NECAB2: variants seen among roughly 807,000 people sequenced by gnomAD.
NECAB2 encodes the protein N-terminal EF-hand calcium binding protein 2, also known as N-terminal EF-hand calcium-binding protein 2.
Under a neutral mutation model 51.9 loss-of-function variants are expected in NECAB2, and 68 were observed. That is an observed-to-expected ratio of 1.31 (90% CI 1.08 to 1.60). NECAB2 has a LOEUF of 1.60. Among genes scored for constraint, NECAB2 ranks in the 40% most tolerant of loss-of-function variants. The pLI is 0.00. For synonymous variants in NECAB2, 329 were observed against 203.5 expected (o/e 1.62, Z -5.25); for missense variants, 854 against 490.3 (o/e 1.74, Z -7.00).
chr16:83,999,364 C>T (rs566323061), intron 10 of NECAB2, among the ~76,000 whole-genome samples: 66 of 152,274 alleles, frequency 4.3e-4, no homozygotes, highest in Middle Eastern at 6.8e-3. Context: ...GTGGGAGGCT[C>T]CAGGGTGAAG....
At chr16:83,991,575 C>T (rs1326415383) in intron 6 of NECAB2, among the ~76,000 whole-genome samples, 2 of 151,886 alleles carry the variant, frequency 1.3e-5, no homozygotes, top group East Asian at 3.9e-4. Context: ...CCATGTTGGC[C>T]AGGCTGGTCT....
intron 2 of NECAB2, among the ~76,000 whole-genome samples, chr16:83,976,299 G>A (rs138850454): frequency 2.0e-5 from 3 of 152,218 alleles, no homozygotes; most frequent in Non-Finnish European, 4.4e-5. Flanking sequence ...AGATGGCCTG[G>A]GTTCAAGCTT....
Position 83,981,105 on chromosome 16 carries a change from A to G in NECAB2, c.437A>G (p.Lys146Arg), listed in dbSNP as rs775962759. Residue 146 changes from lysine to arginine, a missense_variant, in exon 5 of 13, where the codon AAG (lysine) becomes AGG (arginine). By Grantham distance (26) the Lys-to-Arg change is conservative. Coordinates refer to ENST00000305202, the MANE Select transcript of NECAB2 (RefSeq NM_019065.3). Reference protein sequence around the residue: ...SLETLNHSVLKAMGYTKKVYE... With the variant: ...SLETLNHSVLRAMGYTKKVYE... ...GAGACCTTGAATCACTCTGTCCTGA[A>G]GGCCATGGGTTATACCAAGAAGGTC... is the stretch of plus-strand genomic sequence containing the variant. 2 of 1,614,114 alleles carry G rather than the reference A, an allele frequency of 1.2e-6. No homozygotes were observed. Among genetic ancestry groups the G allele is most frequent in the South Asian group, 1.1e-5 (1 of 91,084 alleles).
chr16:83,996,300 G>A (rs190179526), intron 8 of NECAB2, among the ~76,000 whole-genome samples: 89 of 152,316 alleles, frequency 5.8e-4, no homozygotes, highest in African/African-American at 1.9e-3. Flanking sequence ...TTACCAAGGC[G>A]TGTTCATGCT....
chr16:83,974,120 T>G (rs969148428), intron 2 of NECAB2, among the ~76,000 whole-genome samples: 1 of 152,054 alleles, frequency 6.6e-6, no homozygotes, highest in African/African-American at 2.4e-5. Context: ...TCCTTGGGGC[T>G]TACATCTTAC....
chr16:83,968,416 C>G lies in NECAB2; in HGVS notation c.-233C>G, dbSNP rs968577569. On this transcript the variant is annotated 5_prime_UTR_variant, in exon 1 of 13. Coordinates refer to ENST00000305202, the MANE Select transcript of NECAB2 (RefSeq NM_019065.3). ...GCCCCTCGCCCCGGCGGGCAGTCCT[C>G]AGGCCCCGCGCCCGGCCGGCGGGGG... 1.3e-5 allele frequency among the ~76,000 whole-genome samples: 2 copies of G among 148,824 alleles called. No individual in the cohort carries two copies. Among genetic ancestry groups the G allele is most frequent in the East Asian group, 2.0e-4 (1 of 5,028 alleles).
intron 5 of NECAB2, among the ~76,000 whole-genome samples, chr16:83,984,206 A>G (rs2084523663): frequency 6.6e-6 from 1 of 151,718 alleles, no homozygotes; most frequent in African/African-American, 2.4e-5. Context: ...CGTGTTAGCC[A>G]GGATGGTCTC....
At chr16:83,999,888 AAAGGTTTTTTGAGAC>A (rs1328699594) in intron 10 of NECAB2, among the ~76,000 whole-genome samples, 2,074 of 150,604 alleles carry the variant, frequency 0.014, 43 homozygotes, top group African/African-American at 0.049. Context: ...TTTGATTTTT[AAAGGTTTTTTGAGAC>A]CAAATCTTGC....
chr16:83,974,022 C>G (rs776403539), intron 2 of NECAB2, among the ~76,000 whole-genome samples: 1 of 147,556 alleles, frequency 6.8e-6, no homozygotes, highest in Non-Finnish European at 1.5e-5. Flanking sequence ...CTCCCCCCAT[C>G]AGAGGCCATG....
At position 83,998,816 on chromosome 16, in the gene NECAB2, C is replaced by T. The variant is rs570659566; in HGVS notation, c.962+499C>T. Among the ~76,000 whole-genome samples, 50 of 152,276 alleles carry T rather than the reference C, an allele frequency of 3.3e-4. 1 individual carries two copies. Among genetic ancestry groups the T allele is most frequent in the African/African-American group, 1.1e-3 (47 of 41,542 alleles). On this transcript the variant is annotated intron_variant, in intron 10 of 12. Transcript: ENST00000305202. The stretch of plus-strand genomic sequence containing the variant: ...TAGTTGCCCTTCTCCCCCTGATGTG[C>T]TGAGATGTCCAGGGCGGGGCAAGCG...
At chr16:83,977,297 TGAG>T (rs1280196266) in intron 2 of NECAB2, among the ~76,000 whole-genome samples, 6 of 151,926 alleles carry the variant, frequency 3.9e-5, no homozygotes, top group Non-Finnish European at 7.4e-5. Flanking sequence ...AACAGATCCT[TGAG>T]GAGGGGGGAG....
At chr16:83,980,030 C>T (rs1207854344) in intron 3 of NECAB2, among the ~76,000 whole-genome samples, 1 of 152,204 alleles carries the variant, frequency 6.6e-6, no homozygotes, top group Non-Finnish European at 1.5e-5. Flanking sequence ...TGCAGAGCCC[C>T]CGAGTGCAGA....
chr16:83,992,387 C>G (rs971341866), intron 6 of NECAB2, among the ~76,000 whole-genome samples: 6 of 144,184 alleles, frequency 4.2e-5, no homozygotes, highest in Non-Finnish European at 5.9e-5. Context: ...TCCCCCCGCC[C>G]ACCTCCATTT....
In NECAB2 at chr16:84,002,585, A is replaced by G; in HGVS notation, c.*239A>G. 1 of 591,634 alleles carries G rather than the reference A, an allele frequency of 1.7e-6. No individual in the cohort carries two copies. The highest frequency in any genetic ancestry group is 3.0e-6 in the Non-Finnish European group (1 of 333,624). The allele number at this position is 591,634 out of a possible 1,614,324, so 36.6% of individuals were successfully genotyped here. ...AAGGTTGAAGGGGGCGGCTTCCTGG[A>G]GCCAGCACCCCTGCCTCCTGGTCCT... On this transcript the variant is annotated 3_prime_UTR_variant, in exon 13 of 13. Coordinates refer to ENST00000305202, the MANE Select transcript of NECAB2 (RefSeq NM_019065.3).
At chr16:83,970,930 T>TA (rs1226093584) in intron 1 of NECAB2, among the ~76,000 whole-genome samples, 1 of 152,044 alleles carries the variant, frequency 6.6e-6, no homozygotes, top group Non-Finnish European at 1.5e-5. Context: ...TCGTCTCTAC[T>TA]AAAAAATACA....
At position 83,978,527 on chromosome 16, in the gene NECAB2, C is replaced by A. The variant is rs376943166; in HGVS notation, c.310C>A (p.His104Asn). ...LNEKELEDLFHTIDSDNTNHV... is the reference protein window; with the variant it reads ...LNEKELEDLFNTIDSDNTNHV... The stretch of plus-strand genomic sequence containing the variant: ...TGAGAAAGAACTGGAGGATCTCTTT[C>A]ACACGATTGACTCTGACAACACCAA... The change falls in exon 3 of 13, where the codon CAC (histidine) becomes AAC (asparagine). Residue 104 changes from histidine (H) to asparagine (N), a missense_variant. Coordinates refer to ENST00000305202, the MANE Select transcript of NECAB2 (RefSeq NM_019065.3). 6.2e-7 allele frequency: 1 copy of A among 1,613,638 alleles called. No homozygotes were observed. Among genetic ancestry groups the A allele is most frequent in the South Asian group, 1.1e-5 (1 of 91,050 alleles).
At chr16:83,999,526 A>C (rs556556978) in intron 10 of NECAB2, among the ~76,000 whole-genome samples, 1 of 152,128 alleles carries the variant, frequency 6.6e-6, no homozygotes, top group Admixed American at 6.5e-5. Flanking sequence ...GTCCACCCCA[A>C]GATGGAATCC....
chr16:83,998,356 G>A (rs368400385), intron 10 of NECAB2, 39 bp downstream of exon 10: 23 of 1,585,822 alleles, frequency 1.5e-5, no homozygotes, highest in Non-Finnish European at 1.9e-5. Context: ...ATGGTGGCAG[G>A]GAGCTCTGCC....
At chr16:83,997,060 G>A (rs545221735) in intron 8 of NECAB2, among the ~76,000 whole-genome samples, 156 bp from the exon 9 acceptor site, 2 of 150,450 alleles carry the variant, frequency 1.3e-5, no homozygotes, top group East Asian at 3.9e-4. Flanking sequence ...AGGCCAGAGG[G>A]AGTCTCTGCC....
Sources: gnomAD v4.1 joint callset for allele counts (sites outside exome capture counted in the v4.1 genomes callset) on GRCh38, gnomAD v4.1.1 for gene constraint, MANE v1.5 for transcripts, NCBI Gene and HGNC (gene_info 2026-07-23, HGNC 2026-07-21) for gene names.